PID1: variants seen among roughly 807,000 people sequenced by gnomAD.
The protein encoded by PID1 is PTB-containing, cubilin and LRP1-interacting protein.
In PID1, 10 loss-of-function variants were observed where a neutral mutation model predicts 19.1. That is an observed-to-expected ratio of 0.52 (90% CI 0.32 to 0.89). PID1 has a LOEUF of 0.89. PID1 is among the 40% of genes least tolerant of loss of function. PID1 has a pLI of 0.03. For synonymous variants in PID1, 130 were observed against 116.0 expected, an observed-to-expected ratio of 1.12 and a Z score of -0.78; for missense variants, 248 against 285.3, an observed-to-expected ratio of 0.87 and a Z score of 0.94.
At chr2:229,084,074 G>A (rs565884717) in intron 2 of PID1, among the ~76,000 whole-genome samples, 96 of 152,218 alleles carry the variant, frequency 6.3e-4, no homozygotes, top group African/African-American at 2.2e-3. Flanking sequence ...ACTGCCAATC[G>A]GACCCTTTAA....
chr2:229,166,291 G>T (rs759812966), intron 1 of PID1, among the ~76,000 whole-genome samples: 2 of 148,188 alleles, frequency 1.3e-5, no homozygotes, highest in Non-Finnish European at 3.0e-5. Flanking sequence ...GAGATCAGTT[G>T]TTGCCTGGGG....
intron 2 of PID1, among the ~76,000 whole-genome samples, chr2:229,044,171 G>C (rs889047228): frequency 6.6e-6 from 1 of 151,768 alleles, no homozygotes; most frequent in Non-Finnish European, 1.5e-5. Context: ...TGACTTTTTC[G>C]ACTGTGCTTT....
chr2:229,045,103 A>C (rs1410422373), intron 2 of PID1, among the ~76,000 whole-genome samples: 1 of 151,884 alleles, frequency 6.6e-6, no homozygotes, highest in East Asian at 1.9e-4. Context: ...ACAGGCACCC[A>C]CCACCACACC....
chr2:229,233,149 A>C (rs1692251108), intron 1 of PID1, among the ~76,000 whole-genome samples: 1 of 152,170 alleles, frequency 6.6e-6, no homozygotes, highest in Admixed American at 6.6e-5. Context: ...AATTTTTTTA[A>C]ATAAGATCTT....
chr2:229,163,680 T>TGTGTGTGTGTGTGCGCGC (rs1365270238), intron 1 of PID1, among the ~76,000 whole-genome samples: 60 of 103,796 alleles, frequency 5.8e-4, no homozygotes, highest in East Asian at 1.2e-3. Context: ...TGTGTGCGTG[T>TGTGTGTGTGTGTGCGCGC]GCGTGTGTGT....
At chr2:229,148,768 G>A (rs1690187990) in intron 2 of PID1, among the ~76,000 whole-genome samples, 1 of 151,484 alleles carries the variant, frequency 6.6e-6, no homozygotes, top group Admixed American at 6.6e-5. Flanking sequence ...GAGAGGGAAG[G>A]AGGGAGGGAA....
At position 229,144,448 on chromosome 2, in the gene PID1, G is replaced by A. The variant is rs1232657635; in HGVS notation, c.177+11370C>T. ...ACGCCAAATTTGATAAAGCATTTGT[G>A]GAAAATTAAGTGTAGGTGTATATAA... is the stretch of plus-strand genomic sequence containing the variant. On this transcript the variant is annotated intron_variant, in intron 2 of 2. Coordinates refer to ENST00000392055, the MANE Select transcript of PID1 (RefSeq NM_001100818.2). Among the ~76,000 whole-genome samples, 16 of 151,960 alleles carry A rather than the reference G, an allele frequency of 1.1e-4. 1 individual carries two copies. In the East Asian group the frequency reaches 3.1e-3, roughly 29 times the overall value.
chr2:229,088,936 CTTGCAAAGTA>C (rs954887268), intron 2 of PID1, among the ~76,000 whole-genome samples: 28 of 152,248 alleles, frequency 1.8e-4, no homozygotes, highest in African/African-American at 6.3e-4. Flanking sequence ...TATTTTTGTG[CTTGCAAAGTA>C]TTGCTGGTGA....
intron 1 of PID1, among the ~76,000 whole-genome samples, chr2:229,230,230 C>A (rs961103835): frequency 1.3e-5 from 2 of 152,134 alleles, no homozygotes; most frequent in Admixed American, 6.5e-5. Flanking sequence ...TAAAGGTGTT[C>A]AGAACTGTAA....
chr2:229,156,126 C>T (rs541736721), intron 1 of PID1, among the ~76,000 whole-genome samples, 162 bp from the exon 2 acceptor site: 209 of 152,310 alleles, frequency 1.4e-3, no homozygotes, highest in African/African-American at 4.6e-3. Context: ...TGTGTCCTGT[C>T]AGGACGTCAC....
At chr2:229,042,536 T>C (rs1254688596) in intron 2 of PID1, among the ~76,000 whole-genome samples, 4 of 152,204 alleles carry the variant, frequency 2.6e-5, no homozygotes, top group Admixed American at 6.5e-5. Flanking sequence ...TGACAAATTC[T>C]ACTCTGACCG....
intron 1 of PID1, among the ~76,000 whole-genome samples, chr2:229,161,087 A>G (rs545727693): frequency 1.3e-5 from 2 of 152,212 alleles, no homozygotes; most frequent in Non-Finnish European, 2.9e-5. Flanking sequence ...AACATGACAC[A>G]GGCTGACCAT....
At chr2:229,111,157 G>T (rs550842273) in intron 2 of PID1, among the ~76,000 whole-genome samples, 60 of 152,230 alleles carry the variant, frequency 3.9e-4, no homozygotes, top group African/African-American at 1.4e-3. Context: ...ATGGAACTGT[G>T]AGTCCATTAA....
At chr2:229,122,425 C>A (rs979894961) in intron 2 of PID1, among the ~76,000 whole-genome samples, 3 of 152,132 alleles carry the variant, frequency 2.0e-5, no homozygotes, top group Admixed American at 6.5e-5. Flanking sequence ...GAATGATTTG[C>A]CCCTGGAATC....
At chr2:229,038,884 C>A (rs560790999) in intron 2 of PID1, among the ~76,000 whole-genome samples, 1 of 152,234 alleles carries the variant, frequency 6.6e-6, no homozygotes, top group East Asian at 1.9e-4. Flanking sequence ...AAATCCTTAC[C>A]TGTGGAATTC....
intron 1 of PID1, among the ~76,000 whole-genome samples, chr2:229,188,868 TA>T (rs1396048841): frequency 1.3e-5 from 2 of 152,208 alleles, no homozygotes; most frequent in Non-Finnish European, 2.9e-5. Context: ...AGCTGCTCCT[TA>T]AATCTCCTTG....
chr2:229,182,712 TTTGA>T (rs1559272747), intron 1 of PID1, among the ~76,000 whole-genome samples: 1 of 152,320 alleles, frequency 6.6e-6, no homozygotes, highest in East Asian at 1.9e-4. Context: ...TACACTACAC[TTTGA>T]TTGACTACTT....
At chr2:229,249,212 T>C (rs1231509640) in intron 1 of PID1, among the ~76,000 whole-genome samples, 1 of 152,116 alleles carries the variant, frequency 6.6e-6, no homozygotes, top group Non-Finnish European at 1.5e-5. Context: ...TATAATATCT[T>C]TATTTAAATG....
At chr2:229,116,884 C>T (rs1027222065) in intron 2 of PID1, among the ~76,000 whole-genome samples, 8 of 151,856 alleles carry the variant, frequency 5.3e-5, no homozygotes, top group Admixed American at 3.9e-4. Flanking sequence ...TCCTCCATAT[C>T]TCTAAACACT....
Sources: allele counts gnomAD v4.1 joint callset (sites outside exome capture counted in the v4.1 genomes callset), GRCh38; gene constraint gnomAD v4.1.1; transcripts MANE v1.5; gene names NCBI Gene and HGNC (gene_info 2026-07-23, HGNC 2026-07-21).